NFATC1: variants seen among roughly 807,000 people sequenced by gnomAD.
NFATC1 encodes the protein nuclear factor of activated T cells 1.
In NFATC1, 22 loss-of-function variants were observed where a neutral mutation model predicts 76.0. The observed-to-expected ratio is 0.29, with a 90% confidence interval of 0.21 to 0.41. The LOEUF is 0.41. NFATC1 is among the 10% of genes least tolerant of loss of function. The probability of loss-of-function intolerance (pLI) is 1.00; values close to 1 mark genes in which losing one functional copy is unlikely to be tolerated. For synonymous variants in NFATC1, 704 were observed against 613.1 expected, an observed-to-expected ratio of 1.15 and a Z score of -2.19; for missense variants, 1,357 against 1,337.7, an observed-to-expected ratio of 1.01 and a Z score of -0.23.
intron 3 of NFATC1, among the ~76,000 whole-genome samples, chr18:79,446,361 C>A (rs1054930305): frequency 3.3e-5 from 5 of 152,162 alleles, no homozygotes; most frequent in African/African-American, 1.2e-4. Flanking sequence ...TTTAAGACCA[C>A]GTGACCCTGG....
chr18:79,436,167 GTTAT>G (rs906750849), intron 3 of NFATC1, among the ~76,000 whole-genome samples: 2 of 152,220 alleles, frequency 1.3e-5, no homozygotes, highest in African/African-American at 4.8e-5. Context: ...GTGCCGTCGG[GTTAT>G]TTTAGTACAT....
chr18:79,396,260 T>C lies in NFATC1; in HGVS notation c.36T>C (p.Phe12=). ...CCAGCTTTCCAGTCCCTTCCAAGTT[T>C]CCACTTGGCCCTGCGGCTGCGGTCT... ...PSTSFPVPSK[F]PLGPAAAVFG... The change falls in exon 1 of 10, where the codon TTT becomes TTC. Residue 12 remains phenylalanine (F), a synonymous_variant. Transcript: ENST00000427363. The C allele has an allele frequency of 1.3e-6, 2 of 1,490,296 alleles. No homozygotes were observed. Among genetic ancestry groups the C allele is most frequent in the Middle Eastern group, 1.9e-4 (1 of 5,166 alleles). The allele number at this position is 1,490,296 out of a possible 1,614,324, so 92.3% of individuals were successfully genotyped here.
At chr18:79,487,850 C>G (rs2089557193) in intron 9 of NFATC1, among the ~76,000 whole-genome samples, 1 of 152,134 alleles carries the variant, frequency 6.6e-6, no homozygotes, top group South Asian at 2.1e-4. Context: ...GCCCTGGTGA[C>G]CACGCGTTAG....
chr18:79,520,602 TGTGTGTGTGTGGGGGGGGCATCCA>T (rs2090502533), intron 9 of NFATC1, among the ~76,000 whole-genome samples: 1 of 115,496 alleles, frequency 8.7e-6, no homozygotes, highest in African/African-American at 3.3e-5. Flanking sequence ...TGTGTGTGTC[TGTGTGTGTGTGGGGGGGGCATCCA>T]CTGATGTGTG....
At chr18:79,482,151 T>C (rs1212001661) in intron 8 of NFATC1, among the ~76,000 whole-genome samples, 1 of 144,902 alleles carries the variant, frequency 6.9e-6, no homozygotes, top group Non-Finnish European at 1.5e-5. Flanking sequence ...TCCTGGGGTG[T>C]AATTCCAGCG....
chr18:79,507,919 G>T (rs11664436), intron 9 of NFATC1, among the ~76,000 whole-genome samples: 9,903 of 152,338 alleles, frequency 0.065, 426 homozygotes, highest in Admixed American at 0.098. Context: ...CGCTCTGGCC[G>T]GGCTCCCCGC....
intron 3 of NFATC1, among the ~76,000 whole-genome samples, chr18:79,442,245 G>A (rs912768561): frequency 1.3e-5 from 2 of 152,226 alleles, no homozygotes; most frequent in Admixed American, 1.3e-4. Flanking sequence ...TGCACGTGTG[G>A]AGACTGGCAC....
chr18:79,439,398 G>A (rs1358324254), intron 3 of NFATC1, among the ~76,000 whole-genome samples: 1 of 151,534 alleles, frequency 6.6e-6, no homozygotes, highest in African/African-American at 2.4e-5. Flanking sequence ...CCGTGGGGTG[G>A]AAACTAAAGT....
intron 3 of NFATC1, among the ~76,000 whole-genome samples, chr18:79,442,573 C>G (rs758637555): frequency 6.6e-6 from 1 of 152,256 alleles, no homozygotes; most frequent in Non-Finnish European, 1.5e-5. Flanking sequence ...GTCCGGGAAA[C>G]AGGCCCTGGC....
intron 4 of NFATC1, among the ~76,000 whole-genome samples, chr18:79,449,209 A>G (rs143481878): frequency 6.6e-6 from 1 of 152,264 alleles, no homozygotes; most frequent in African/African-American, 2.4e-5. Flanking sequence ...AATGTCAGAT[A>G]TGCAGCTATA....
At chr18:79,512,763 G>A (rs1282082249) in intron 9 of NFATC1, among the ~76,000 whole-genome samples, 1 of 152,222 alleles carries the variant, frequency 6.6e-6, no homozygotes, top group African/African-American at 2.4e-5. Flanking sequence ...CGTGAGCCAC[G>A]TCTCATCCCA....
chr18:79,523,815 A>T (rs1308901023), intron 9 of NFATC1: 1 of 152,218 alleles, frequency 6.6e-6, no homozygotes, highest in African/African-American at 2.4e-5. Context: ...TAAGGGAAAA[A>T]AAAGCCCTCC....
rs1461991171 is a variant in NFATC1 at position 79,450,962 on chromosome 18, G to A, written c.1598G>A (p.Cys533Tyr). Residue 533 changes from cysteine (C) to tyrosine (Y), a missense_variant, in exon 5 of 10, where the codon TGT becomes TAT. Around this residue, in one of 3 missense-constraint regions of NFATC1, gnomAD observed 242 missense variants for 329.2 expected, o/e 0.74. Transcript: ENST00000427363. The stretch of plus-strand genomic sequence containing the variant: ...GCTTTTGTTTTGGGCAGCATTGACT[G>A]TGCCGGAATCCTGAAACTCAGAAAC... ...PENSMRAVID[C>Y]AGILKLRNSD... 1 of 1,613,470 alleles carries A rather than the reference G, an allele frequency of 6.2e-7. No homozygotes were observed. Among genetic ancestry groups the A allele is most frequent in the Non-Finnish European group, 8.5e-7 (1 of 1,179,788 alleles).
chr18:79,412,118 G>A (rs922062274), intron 2 of NFATC1, among the ~76,000 whole-genome samples: 3 of 152,216 alleles, frequency 2.0e-5, no homozygotes, highest in Non-Finnish European at 4.4e-5. Flanking sequence ...GAGCTCACGC[G>A]CCTTCCTTCT....
At chr18:79,486,982 T>TGGCGTGAGCTCATGGAGGG (rs1171491950) in intron 9 of NFATC1, 45 bp downstream of exon 9, 50 of 1,535,668 alleles carry the variant, frequency 3.3e-5, no homozygotes, top group Non-Finnish European at 4.0e-5. Flanking sequence ...CCTGGCGCCA[T>TGGCGTGAGCTCATGGAGGG]GGCGTGAGCT....
At chr18:79,418,468 G>A (rs897098970) in intron 2 of NFATC1, among the ~76,000 whole-genome samples, 1 of 152,220 alleles carries the variant, frequency 6.6e-6, no homozygotes, top group Non-Finnish European at 1.5e-5. Context: ...TGTACGGGGT[G>A]GGGGCACGTG....
rs563189573 is a variant in NFATC1, at chr18:79,478,186, G to A, written c.2093-8062G>A. ...AGCCCCCGAGGAGCCAGGAGCTGCCGGGCACCAACCACACAGGAAGCCAAC... is the reference window on the plus strand; with the variant it reads ...AGCCCCCGAGGAGCCAGGAGCTGCCAGGCACCAACCACACAGGAAGCCAAC... On this transcript the variant is annotated intron_variant, in intron 8 of 9. Transcript: ENST00000427363. 4.4e-3 allele frequency among the ~76,000 whole-genome samples: 636 copies of A among 144,402 alleles called. 17 individuals carry two copies. The highest frequency in any genetic ancestry group is 1.3e-3 in the Non-Finnish European group (88 of 66,676). 94.7% of individuals were successfully genotyped at this position (144,402 alleles called of 152,430 possible).
chr18:79,424,555 GTCTCTC>G (rs1052157804), intron 2 of NFATC1, among the ~76,000 whole-genome samples: 1 of 147,584 alleles, frequency 6.8e-6, no homozygotes, highest in East Asian at 2.0e-4. Context: ...CTCTGTCTCT[GTCTCTC>G]TCTGTCTCTG....
chr18:79,468,108 G>C, intron 8 of NFATC1: 1 of 519,590 alleles, frequency 1.9e-6, no homozygotes, highest in Non-Finnish European at 2.5e-6. Context: ...CGGGCATCCA[G>C]GCTGGGGCAC....
Sources: gnomAD v4.1 joint callset for allele counts (sites outside exome capture counted in the v4.1 genomes callset) on GRCh38, gnomAD v4.1.1 for gene constraint, gnomAD v4.1.1 regional missense constraint, MANE v1.5 for transcripts, NCBI Gene and HGNC (gene_info 2026-07-23, HGNC 2026-07-21) for gene names.